ZNF423: variants seen among roughly 807,000 people sequenced by gnomAD.
The protein encoded by ZNF423 is zinc finger protein 423, also known as Ebf-associated zinc finger protein.
A neutral mutation model predicts 95.8 loss-of-function variants in ZNF423; 12 were observed. The ratio of observed to expected loss-of-function variants is 0.13; its 90% CI spans 0.08 to 0.20. The LOEUF is 0.20. Ranked by LOEUF, ZNF423 falls within the 10% of genes least tolerant of loss-of-function variation. The pLI, the probability that ZNF423 is intolerant of heterozygous loss-of-function variation, is 1.00. For missense variants in ZNF423, 1,316 were observed against 1,737.1 expected, an observed-to-expected ratio of 0.76 and a Z score of 4.31; for synonymous variants, 749 against 711.9, an observed-to-expected ratio of 1.05 and a Z score of -0.83.
chr16:49,560,279 C>T (rs185524218), intron 5 of ZNF423, among the ~76,000 whole-genome samples: 7 of 152,246 alleles, frequency 4.6e-5, no homozygotes, highest in East Asian at 1.9e-4. Context: ...CAATCATTTC[C>T]GTGAATCTTT....
intron 1 of ZNF423, among the ~76,000 whole-genome samples, chr16:49,823,208 T>C (rs112155996): frequency 1.8e-3 from 281 of 152,364 alleles, no homozygotes; most frequent in African/African-American, 5.1e-3. Flanking sequence ...GCTGGCCTGC[T>C]GGTCGGCTGG....
At chr16:49,698,447 G>A (rs2032055084) in intron 3 of ZNF423, among the ~76,000 whole-genome samples, 1 of 152,184 alleles carries the variant, frequency 6.6e-6, no homozygotes, top group African/African-American at 2.4e-5. Flanking sequence ...CCGCAGGTCC[G>A]CCAACCATCC....
At chr16:49,494,672 T>A (rs1232031763) in intron 7 of ZNF423, among the ~76,000 whole-genome samples, 1 of 152,194 alleles carries the variant, frequency 6.6e-6, no homozygotes, top group Non-Finnish European at 1.5e-5. Flanking sequence ...GGCTCCTCCA[T>A]AGGCCAAGGG....
chr16:49,769,983 C>T (rs764535584), intron 2 of ZNF423, among the ~76,000 whole-genome samples: 2 of 152,104 alleles, frequency 1.3e-5, no homozygotes, highest in Non-Finnish European at 2.9e-5. Context: ...TCACCTCCCA[C>T]CACTCTATCT....
intron 1 of ZNF423, among the ~76,000 whole-genome samples, chr16:49,817,610 G>C (rs553047804): frequency 6.6e-6 from 1 of 152,168 alleles, no homozygotes; most frequent in African/African-American, 2.4e-5. Flanking sequence ...AGGACAGCTG[G>C]GGAGAGTGGT....
intron 1 of ZNF423, chr16:49,854,748 G>A (rs2035340009): frequency 2.0e-6 from 2 of 985,422 alleles, no homozygotes; most frequent in Non-Finnish European, 2.4e-6. Context: ...GCCTTTCCCC[G>A]GGGCCTCTAC....
At chr16:49,827,799 T>C (rs2035021666) in intron 1 of ZNF423, among the ~76,000 whole-genome samples, 1 of 152,200 alleles carries the variant, frequency 6.6e-6, no homozygotes, top group African/African-American at 2.4e-5. Context: ...ATGTTGCCTT[T>C]TTTTTTCAGT....
chr16:49,639,422 G>A (rs1207883473), intron 3 of ZNF423, among the ~76,000 whole-genome samples: 1 of 152,180 alleles, frequency 6.6e-6, no homozygotes, highest in African/African-American at 2.4e-5. Context: ...GGGTATGGGT[G>A]GACTGATGGA....
intron 2 of ZNF423, among the ~76,000 whole-genome samples, chr16:49,732,430 C>T (rs1419377184): frequency 6.6e-6 from 1 of 152,198 alleles, no homozygotes; most frequent in Non-Finnish European, 1.5e-5. Context: ...GTTGTCTCTT[C>T]CCACAGCCTG....
chr16:49,535,298 CACCATCACAGAG>C (rs575329342), intron 5 of ZNF423, among the ~76,000 whole-genome samples: 1 of 152,344 alleles, frequency 6.6e-6, no homozygotes, highest in Non-Finnish European at 1.5e-5. Context: ...AGGAGAACAT[CACCATCACAGAG>C]GGTCCTGCTT....
At chr16:49,754,618 C>A (rs1483181991) in intron 2 of ZNF423, among the ~76,000 whole-genome samples, 1 of 152,166 alleles carries the variant, frequency 6.6e-6, no homozygotes, top group Non-Finnish European at 1.5e-5. Context: ...AGGGGCAGCT[C>A]GGGCTGCCTC....
At chr16:49,815,910 AT>A (rs2034845120) in intron 1 of ZNF423, among the ~76,000 whole-genome samples, 1 of 40,564 alleles carries the variant, frequency 2.5e-5, no homozygotes, top group Non-Finnish European at 4.4e-5. Flanking sequence ...ATATATATAT[AT>A]ATATTTTTTT....
At chr16:49,721,367 G>T (rs1467637367) in intron 3 of ZNF423, among the ~76,000 whole-genome samples, 3 of 152,122 alleles carry the variant, frequency 2.0e-5, no homozygotes, top group Non-Finnish European at 4.4e-5. Flanking sequence ...TACACAGCAG[G>T]TATGGTATCA....
intron 7 of ZNF423, among the ~76,000 whole-genome samples, chr16:49,502,937 C>T (rs1967479182): frequency 9.0e-6 from 1 of 110,902 alleles, no homozygotes; most frequent in Admixed American, 9.1e-5. Context: ...CACACACACA[C>T]ACACACATGG....
intron 5 of ZNF423, among the ~76,000 whole-genome samples, chr16:49,533,971 A>G (rs993300312): frequency 2.0e-5 from 3 of 152,140 alleles, no homozygotes; most frequent in African/African-American, 7.2e-5. Flanking sequence ...CAGCCTGGAC[A>G]ACACAGTGAG....
intron 5 of ZNF423, among the ~76,000 whole-genome samples, chr16:49,608,370 C>T (rs1157812353): frequency 6.6e-6 from 1 of 152,198 alleles, no homozygotes; most frequent in Non-Finnish European, 1.5e-5. Context: ...CCAATTTCCA[C>T]ACCCTGAGTC....
rs1008019474 is a variant in ZNF423, at chr16:49,755,714, G to A, written c.101-24743C>T. Among the ~76,000 whole-genome samples, 4 of 152,182 alleles carry A rather than the reference G, an allele frequency of 2.6e-5. No homozygotes were observed. In the South Asian group the frequency reaches 6.2e-4, roughly 24 times the overall value. ...CTCTACGAACCCTCTGTAAATTGTA[G>A]TTGGTTAAAAAATAATAATAATTAG... is the stretch of plus-strand genomic sequence containing the variant. On this transcript the variant is annotated intron_variant, in intron 2 of 7. Coordinates refer to ENST00000563137, the MANE Select transcript of ZNF423 (RefSeq NM_001379286.1).
At chr16:49,559,181 T>C (rs1435253446) in intron 5 of ZNF423, among the ~76,000 whole-genome samples, 1 of 152,010 alleles carries the variant, frequency 6.6e-6, no homozygotes, top group Non-Finnish European at 1.5e-5. Context: ...AGAAAGCGAG[T>C]CCCAGAGAGG....
chr16:49,825,774 G>C (rs1457062735), intron 1 of ZNF423, among the ~76,000 whole-genome samples: 2 of 152,218 alleles, frequency 1.3e-5, no homozygotes, highest in African/African-American at 4.8e-5. Flanking sequence ...GAGCGAGGGC[G>C]TGAATGAACG....
Sources: allele counts gnomAD v4.1 joint callset (sites outside exome capture counted in the v4.1 genomes callset), GRCh38; gene constraint gnomAD v4.1.1; transcripts MANE v1.5; gene names NCBI Gene and HGNC (gene_info 2026-07-23, HGNC 2026-07-21).